The following TRPS1 variants were observed in gnomAD, a reference collection of about 807,000 sequenced individuals.
TRPS1 encodes the protein zinc finger transcription factor Trps1.
In TRPS1, 6 loss-of-function variants were observed where a neutral mutation model predicts 101.2. That is an observed-to-expected ratio of 0.06 (90% CI 0.03 to 0.12). TRPS1 has a LOEUF of 0.12. Ranked by LOEUF, TRPS1 falls within the 10% of genes least tolerant of loss-of-function variation. TRPS1 has a pLI of 1.00. For missense variants in TRPS1, 1,363 were observed against 1,567.0 expected (o/e 0.87, Z 2.20); for synonymous variants, 578 against 589.8 (o/e 0.98, Z 0.29).
chr8:115,665,018 C>T (rs1811888676), intron 1 of TRPS1, among the ~76,000 whole-genome samples: 1 of 152,092 alleles, frequency 6.6e-6, no homozygotes, highest in African/African-American at 2.4e-5. Flanking sequence ...CTGCCCATAA[C>T]TTTCTTAAAG....
rs1258582241 is a variant in TRPS1, at chr8:115,413,931, A to G, written c.*92T>C. On this transcript the variant is annotated 3_prime_UTR_variant, in exon 7 of 7. Coordinates refer to ENST00000395715, the MANE Select transcript of TRPS1 (RefSeq NM_014112.5). ...TTGGATAAGGCAGGCTCTATGAAGTATTTTTTTAATAGGTCTTCATAAGAC... is the reference window on the plus strand; with the variant it reads ...TTGGATAAGGCAGGCTCTATGAAGTGTTTTTTTAATAGGTCTTCATAAGAC... The G allele has an allele frequency of 1.5e-6, 2 of 1,327,748 alleles. No homozygotes were observed. Among genetic ancestry groups the G allele is most frequent in the African/African-American group, 3.0e-5 (2 of 67,544 alleles). 82.2% of individuals were successfully genotyped at this position (1,327,748 alleles called of 1,614,324 possible). A position where few individuals can be genotyped will look rare whatever the true frequency, so the allele number is the denominator to read the frequency against.
chr8:115,481,056 C>A (rs1298710622), intron 5 of TRPS1, among the ~76,000 whole-genome samples: 1 of 151,992 alleles, frequency 6.6e-6, no homozygotes, highest in African/African-American at 2.4e-5. Context: ...TTGTTATTTG[C>A]CTTTTCTTTC....
chr8:115,443,103 A>AG (rs1297653675), intron 5 of TRPS1, among the ~76,000 whole-genome samples: 2 of 151,948 alleles, frequency 1.3e-5, no homozygotes, highest in Non-Finnish European at 2.9e-5. Context: ...CTCAAAAAAA[A>AG]AGAAAAAGGA....
At chr8:115,491,636 A>G (rs1485322776) in intron 5 of TRPS1, among the ~76,000 whole-genome samples, 1 of 152,140 alleles carries the variant, frequency 6.6e-6, no homozygotes, top group South Asian at 2.1e-4. Context: ...GAAAGGAAAG[A>G]AAGGAAAGAA....
intron 5 of TRPS1, among the ~76,000 whole-genome samples, chr8:115,485,247 C>T (rs992740401): frequency 4.6e-5 from 7 of 152,136 alleles, no homozygotes; most frequent in African/African-American, 1.2e-4. Context: ...CAGTGGTCTC[C>T]GGCCAACAGC....
intron 5 of TRPS1, among the ~76,000 whole-genome samples, chr8:115,585,112 G>A (rs1817535206): frequency 2.0e-5 from 3 of 152,120 alleles, no homozygotes; most frequent in Admixed American, 2.0e-4. Flanking sequence ...TATTATTGTA[G>A]AACACAGCTA....
Position 115,410,771 on chromosome 8 carries a change from T to C in TRPS1, c.*3252A>G, listed in dbSNP as rs887541284. ...TTGATCCAAAGCTCAATTTAGAATA[T>C]AGACAAATAATTTTAAAATATTTTC... On this transcript the variant is annotated 3_prime_UTR_variant, in exon 7 of 7. Transcript: ENST00000395715. 4.6e-5 allele frequency: 7 copies of C among 152,328 alleles called. No individual in the cohort carries two copies. Among genetic ancestry groups the C allele is most frequent in the Non-Finnish European group, 1.0e-4 (7 of 67,986 alleles). The allele number at this position is 152,328 out of a possible 1,614,324, so 9.4% of individuals were successfully genotyped here. A position where few individuals can be genotyped will look rare whatever the true frequency, so the allele number is the denominator to read the frequency against.
At chr8:115,610,517 A>C (rs1037370799) in intron 3 of TRPS1, among the ~76,000 whole-genome samples, 3 of 152,166 alleles carry the variant, frequency 2.0e-5, no homozygotes, top group Non-Finnish European at 2.9e-5. Flanking sequence ...TCCATAGCTT[A>C]TTTCTGAGGT....
In TRPS1 at chr8:115,587,217, C is replaced by A; in HGVS notation, c.2484G>T (p.Thr828=). ...SYTQASLGLL[T]PVSGTQEQTK... ...TCTGCTCTTGGGTGCCAGACACAGG[C>A]GTCAGCAGCCCCAGGCTTGCTTGGG... Residue 828 remains threonine, a synonymous_variant, in exon 5 of 7, where the codon ACG becomes ACT. Coordinates refer to ENST00000395715, the MANE Select transcript of TRPS1 (RefSeq NM_014112.5). 6.2e-7 allele frequency: 1 copy of A among 1,614,210 alleles called. No individual in the cohort carries two copies. Among genetic ancestry groups the A allele is most frequent in the Non-Finnish European group, 8.5e-7 (1 of 1,180,022 alleles).
chr8:115,435,019 C>T (rs1813414283), intron 5 of TRPS1, among the ~76,000 whole-genome samples: 1 of 152,150 alleles, frequency 6.6e-6, no homozygotes, highest in Admixed American at 6.6e-5. Context: ...CTCTTATTTA[C>T]TTATTTATTA....
intron 1 of TRPS1, among the ~76,000 whole-genome samples, chr8:115,649,681 G>A (rs189631553): frequency 3.3e-4 from 51 of 152,280 alleles, no homozygotes; most frequent in Admixed American, 7.2e-4. Context: ...GCTTAGCTGC[G>A]CATCTACCAA....
intron 5 of TRPS1, among the ~76,000 whole-genome samples, chr8:115,423,677 G>A (rs28587542): frequency 0.01 from 1,525 of 152,204 alleles, 24 homozygotes; most frequent in African/African-American, 0.034. Context: ...ACCAACATGC[G>A]GGTAACAATA....
chr8:115,623,477 AC>A, intron 2 of TRPS1, 123 bp downstream of exon 2: 1 of 1,098,550 alleles, frequency 9.1e-7, no homozygotes, highest in Non-Finnish European at 1.3e-6. Flanking sequence ...TAAGTTAGAT[AC>A]CATAAGACTA....
intron 5 of TRPS1, among the ~76,000 whole-genome samples, chr8:115,532,125 A>G (rs1472132204): frequency 6.6e-6 from 1 of 152,196 alleles, no homozygotes; most frequent in African/African-American, 2.4e-5. Context: ...TACAGATTAG[A>G]TAATCAGACC....
intron 1 of TRPS1, among the ~76,000 whole-genome samples, chr8:115,632,522 T>C (rs577820193): frequency 1.3e-5 from 2 of 152,076 alleles, no homozygotes; most frequent in Admixed American, 6.6e-5. Flanking sequence ...ATTCTCACAG[T>C]ATTACTTCCT....
chr8:115,521,077 G>A (rs1332481807), intron 5 of TRPS1, among the ~76,000 whole-genome samples: 3 of 151,798 alleles, frequency 2.0e-5, no homozygotes, highest in Non-Finnish European at 4.4e-5. Flanking sequence ...TCAAACAATA[G>A]AAGTTATCAA....
chr8:115,521,885 C>A (rs1285100892), intron 5 of TRPS1, among the ~76,000 whole-genome samples: 1 of 151,744 alleles, frequency 6.6e-6, no homozygotes, highest in African/African-American at 2.4e-5. Flanking sequence ...TAAGTATATT[C>A]CAAGATTACA....
chr8:115,417,846 G>A (rs545543595), intron 6 of TRPS1, among the ~76,000 whole-genome samples: 12 of 152,152 alleles, frequency 7.9e-5, no homozygotes, highest in Admixed American at 5.9e-4. Flanking sequence ...CTGTCCTTCC[G>A]AATGTGCCCC....
intron 4 of TRPS1, among the ~76,000 whole-genome samples, chr8:115,595,481 T>C (rs1817765487): frequency 6.6e-6 from 1 of 151,946 alleles, no homozygotes; most frequent in Admixed American, 6.6e-5. Flanking sequence ...TTACTCATCT[T>C]GCATTTTTAA....
Sources: allele counts gnomAD v4.1 joint callset (sites outside exome capture counted in the v4.1 genomes callset), GRCh38; gene constraint gnomAD v4.1.1; transcripts MANE v1.5; gene names NCBI Gene and HGNC (gene_info 2026-07-23, HGNC 2026-07-21).